TULP4: variants seen among roughly 807,000 people sequenced by gnomAD.
TULP4 encodes TUB like protein 4.
Under a neutral mutation model 129.0 loss-of-function variants are expected in TULP4, and 16 were observed. The ratio of observed to expected loss-of-function variants is 0.12; its 90% CI spans 0.08 to 0.19. TULP4 has a LOEUF of 0.19. Ranked by LOEUF, TULP4 falls within the 10% of genes least tolerant of loss-of-function variation. The probability of loss-of-function intolerance (pLI) is 1.00; values close to 1 mark genes in which losing one functional copy is unlikely to be tolerated. For synonymous variants in TULP4, 998 were observed against 854.0 expected (o/e 1.17, Z -2.94); for missense variants, 1,842 against 2,059.1 (o/e 0.89, Z 2.04).
chr6:158,304,412 G>A (rs1437137006), intron 1 of TULP4, among the ~76,000 whole-genome samples: 1 of 152,150 alleles, frequency 6.6e-6, no homozygotes, highest in Non-Finnish European at 1.5e-5. Flanking sequence ...AAAATAAGCT[G>A]TAATTATTAG....
At chr6:158,309,894 G>A (rs12173281), upstream of TULP4, among the ~76,000 whole-genome samples, 103,050 of 124,778 alleles carry the variant, frequency 0.83, 42,506 homozygotes, top group South Asian at 0.91. Context: ...AGAGGGAGAG[G>A]GAGACCGTGG....
Position 158,481,180 on chromosome 6 carries a change from G to A in TULP4, c.1377G>A (p.Thr459=), listed in dbSNP as rs553503808. Residue 459 remains threonine, a synonymous_variant, in exon 8 of 14, where the codon ACG becomes ACA. Coordinates refer to ENST00000367097, the MANE Select transcript of TULP4 (RefSeq NM_020245.5). ...CGGAGGTGGGCGGCCCGTGCTACAC[G>A]CTCTACCTGGAGTACCTGGGCGGGC... is the stretch of plus-strand genomic sequence containing the variant. ...DDPEVGGPCY[T]LYLEYLGGLV... is the part of the protein sequence containing the mutation. The A allele has an allele frequency of 1.3e-5, 21 of 1,614,222 alleles. No individual in the cohort carries two copies. In the African/African-American group the frequency reaches 1.6e-4, roughly 12 times the overall value.
chr6:158,241,272 C>T (rs555523598), intron 1 of TULP4, among the ~76,000 whole-genome samples: 2 of 125,388 alleles, frequency 1.6e-5, no homozygotes, highest in African/African-American at 5.2e-5. Flanking sequence ...ACTGGGCAGC[C>T]AGGCAGAGGG....
intron 1 of TULP4, among the ~76,000 whole-genome samples, chr6:158,388,353 G>A (rs1164999361): frequency 1.3e-4 from 9 of 71,644 alleles, no homozygotes; most frequent in Admixed American, 9.4e-4. Context: ...TTTTTGAGAC[G>A]GAGTCTCACT....
chr6:158,510,500 A>G lies in TULP4; in HGVS notation c.*3806A>G, dbSNP rs1319213484. ...TCAGCCTAAGAGCGCAGCACTGAACAGCCTCATCATTCCACTTTTCATGGG... is the reference window on the plus strand; with the variant it reads ...TCAGCCTAAGAGCGCAGCACTGAACGGCCTCATCATTCCACTTTTCATGGG... On this transcript the variant is annotated 3_prime_UTR_variant, in exon 14 of 14. Transcript: ENST00000367097. 3.9e-5 allele frequency: 6 copies of G among 152,232 alleles called. No homozygotes were observed. Among genetic ancestry groups the G allele is most frequent in the African/African-American group, 1.2e-4 (5 of 41,452 alleles). 9.4% of individuals were successfully genotyped at this position (152,232 alleles called of 1,614,324 possible).
At chr6:158,425,748 C>A (rs1027351173) in intron 2 of TULP4, among the ~76,000 whole-genome samples, 4 of 151,970 alleles carry the variant, frequency 2.6e-5, no homozygotes, top group African/African-American at 9.7e-5. Context: ...GGATTACAGG[C>A]ACCTGACACA....
rs1457723262 is a variant in TULP4, at chr6:158,479,877, A to G, written c.1153A>G (p.Ile385Val). ...CCTGCAGCTGCTGTGCCAGCAGGCC[A>G]TCGCCAGCACCTTGCGTGAGGACAA... is the stretch of plus-strand genomic sequence containing the variant. ...SSLQLLCQQA[I>V]ASTLREDKDV... is the part of the protein sequence containing the mutation. The change falls in exon 7 of 14, where the codon ATC becomes GTC. Residue 385 changes from isoleucine to valine, a missense_variant. Around this residue, in one of 5 missense-constraint regions of TULP4, gnomAD observed 456 missense variants for 534.3 expected, o/e 0.85. Coordinates refer to ENST00000367097, the MANE Select transcript of TULP4 (RefSeq NM_020245.5). 1 of 1,613,760 alleles carries G rather than the reference A, an allele frequency of 6.2e-7. No individual in the cohort carries two copies. The highest frequency in any genetic ancestry group is 1.3e-5 in the African/African-American group (1 of 75,064).
intron 3 of TULP4, 97 bp from the exon 4 acceptor site, chr6:158,448,899 A>G: frequency 7.8e-7 from 1 of 1,279,658 alleles, no homozygotes; most frequent in Non-Finnish European, 1.1e-6. Context: ...TTAGTTCTAA[A>G]TGTATATTGT....
chr6:158,423,691 A>G (rs1172168149), intron 2 of TULP4, among the ~76,000 whole-genome samples: 1 of 152,000 alleles, frequency 6.6e-6, no homozygotes, highest in Non-Finnish European at 1.5e-5. Context: ...CGCAGGCTGG[A>G]GTGCAGTGGC....
At chr6:158,280,942 A>T (rs1778737935), upstream of TULP4, among the ~76,000 whole-genome samples, 1 of 152,182 alleles carries the variant, frequency 6.6e-6, no homozygotes, top group Admixed American at 6.5e-5. Flanking sequence ...AAAATATTTT[A>T]TTTAAAAAGA....
At chr6:158,264,202 CAG>C (rs994209316) in intron 1 of TULP4, among the ~76,000 whole-genome samples, 6 of 152,216 alleles carry the variant, frequency 3.9e-5, no homozygotes, top group Non-Finnish European at 7.3e-5. Flanking sequence ...GCGGCCTTAA[CAG>C]AATCACGTTC....
intron 1 of TULP4, among the ~76,000 whole-genome samples, chr6:158,315,479 A>G (rs1471805630): frequency 1.3e-5 from 2 of 152,218 alleles, no homozygotes; most frequent in African/African-American, 4.8e-5. Flanking sequence ...TCATAGCAAT[A>G]TAAACATTCA....
intron 1 of TULP4, among the ~76,000 whole-genome samples, chr6:158,408,592 G>A (rs190336619): frequency 6.6e-6 from 1 of 152,054 alleles, no homozygotes; most frequent in Non-Finnish European, 1.5e-5. Context: ...TCAAGCAGAC[G>A]AGGAAAGGGG....
rs1778498737 is a variant in TULP4, at chr6:158,426,523, T to A, written c.382-3213T>A. 1.3e-5 allele frequency among the ~76,000 whole-genome samples: 2 copies of A among 152,234 alleles called. 1 individual carries two copies. Among genetic ancestry groups the A allele is most frequent in the Admixed American group, 1.3e-4 (2 of 15,276 alleles). On this transcript the variant is annotated intron_variant, in intron 2 of 13. Transcript: ENST00000367097. The stretch of plus-strand genomic sequence containing the variant: ...TTTGTCAGCTTTGTCAAAGATCAGA[T>A]GGTTGTAAATATGCAGCCTTATTTC...
intron 1 of TULP4, among the ~76,000 whole-genome samples, chr6:158,403,414 A>C (rs1583839673): frequency 6.6e-6 from 1 of 152,100 alleles, no homozygotes. Flanking sequence ...ATCTTGGCTC[A>C]CCACAACCTC....
At chr6:158,355,529 A>G (rs1780626165) in intron 1 of TULP4, among the ~76,000 whole-genome samples, 2 of 152,194 alleles carry the variant, frequency 1.3e-5, no homozygotes, top group Non-Finnish European at 2.9e-5. Flanking sequence ...TGCATTTACA[A>G]AAGCTCTGTT....
At chr6:158,332,183 AAAAAAAAAAAAAAAAAAATATAT>A (rs1238937262) in intron 1 of TULP4, among the ~76,000 whole-genome samples, 1 of 41,424 alleles carries the variant, frequency 2.4e-5, no homozygotes, top group African/African-American at 1.3e-4. Flanking sequence ...AAAAAAAAAA[AAAAAAAAAAAAAAAAAAATATAT>A]ATATATATAT....
At chr6:158,356,990 A>G (rs536735607) in intron 1 of TULP4, among the ~76,000 whole-genome samples, 18 of 152,308 alleles carry the variant, frequency 1.2e-4, no homozygotes, top group African/African-American at 4.1e-4. Flanking sequence ...TTTCCAAAAA[A>G]ATAGATCTCT....
chr6:158,346,356 C>T (rs140791119), intron 1 of TULP4, among the ~76,000 whole-genome samples: 1,563 of 152,356 alleles, frequency 0.01, 11 homozygotes, highest in Middle Eastern at 0.02. Context: ...TCCTCTGCCA[C>T]AGCTCCAGCC....
Sources: gnomAD v4.1 joint callset for allele counts (sites outside exome capture counted in the v4.1 genomes callset) on GRCh38, gnomAD v4.1.1 for gene constraint, gnomAD v4.1.1 regional missense constraint, MANE v1.5 for transcripts, NCBI Gene and HGNC (gene_info 2026-07-23, HGNC 2026-07-21) for gene names.